The following CNIH3 variants were observed in gnomAD, a reference collection of about 807,000 sequenced individuals.
CNIH3 encodes cornichon family AMPA receptor auxiliary protein 3, also known as protein cornichon homolog 3.
CNIH3 carries 14 observed loss-of-function variants against 24.1 expected under a neutral mutation model. That is an observed-to-expected ratio of 0.58 (90% CI 0.38 to 0.91). The LOEUF is 0.91. Ranked by LOEUF, CNIH3 falls within the 40% of genes least tolerant of loss-of-function variation. The pLI is 0.00. For missense variants in CNIH3, 178 were observed against 196.8 expected (o/e 0.90, Z 0.57); for synonymous variants, 68 against 73.8 (o/e 0.92, Z 0.40).
intron 1 of CNIH3, among the ~76,000 whole-genome samples, chr1:224,622,641 GGGGTTGGATGTTAGAGACACTAAAGTAA>G (rs1683336820): frequency 6.6e-6 from 1 of 152,250 alleles, no homozygotes; most frequent in South Asian, 2.1e-4. Context: ...AGGCCTCACT[GGGGTTGGATGTTAGAGACACTAAAGTAA>G]CTTGTCTTTG....
chr1:224,434,765 G>T, exon 1 of CNIH3: 1 of 986,404 alleles, frequency 1.0e-6, no homozygotes, highest in Non-Finnish European at 1.2e-6. Context: ...CTGCTCCCTG[G>T]TGTGTTGATT....
intron 3 of CNIH3, among the ~76,000 whole-genome samples, chr1:224,712,527 A>G (rs1161073177): frequency 2.0e-5 from 3 of 152,162 alleles, no homozygotes; most frequent in Admixed American, 1.3e-4. Context: ...GTATTTATTC[A>G]ATGAATGAAT....
At chr1:224,682,666 T>C (rs1261976210) in intron 2 of CNIH3, among the ~76,000 whole-genome samples, 1 of 152,186 alleles carries the variant, frequency 6.6e-6, no homozygotes, top group Non-Finnish European at 1.5e-5. Flanking sequence ...TCTCATGTCT[T>C]TCTGGATGTT....
At chr1:224,597,166 C>T (rs932636145) in intron 3 of CNIH3, among the ~76,000 whole-genome samples, 3 of 128,758 alleles carry the variant, frequency 2.3e-5, no homozygotes, top group Admixed American at 1.7e-4. Context: ...AACAAACAAA[C>T]AAACAAACAA....
Position 224,684,955 on chromosome 1 carries a change from C to G in CNIH3, c.198+112C>G. 1 of 1,007,886 alleles carries G rather than the reference C, an allele frequency of 9.9e-7. No individual in the cohort carries two copies. The highest frequency in any genetic ancestry group is 1.6e-5 in the African/African-American group (1 of 63,078). The allele number at this position is 1,007,886 out of a possible 1,614,324, so 62.4% of individuals were successfully genotyped here. A position where few individuals can be genotyped will look rare whatever the true frequency, so the allele number is the denominator to read the frequency against. ...GCTCCAGTCCTGTCCACCAGGGAGG[C>G]AAATGGTGGCAGGGAAAGGGGGAGG... On this transcript the variant is annotated intron_variant, in intron 3 of 5. Transcript: ENST00000272133. This position sits in a 1 kb window ranked among gnomAD's most constrained non-coding sequence, Gnocchi z 4.2.
exon 1 of CNIH3, chr1:224,434,793 C>T: frequency 1.0e-6 from 1 of 986,502 alleles, no homozygotes; most frequent in Non-Finnish European, 1.2e-6. Flanking sequence ...CAGCTGCTGC[C>T]TAATGGAGTC....
chr1:224,609,038 A>G (rs965091178), intron 3 of CNIH3, among the ~76,000 whole-genome samples: 1 of 152,120 alleles, frequency 6.6e-6, no homozygotes, highest in Admixed American at 6.5e-5. Flanking sequence ...CGGGGCCACA[A>G]CCAATTATTA....
intron 1 of CNIH3, among the ~76,000 whole-genome samples, chr1:224,644,208 G>GTTTGTT (rs1684491391): frequency 2.0e-5 from 3 of 152,246 alleles, no homozygotes; most frequent in Admixed American, 1.3e-4. Flanking sequence ...CAAGCATGTT[G>GTTTGTT]TTTGTTTTTG....
At chr1:224,484,416 C>T (rs367927579) in intron 1 of CNIH3, among the ~76,000 whole-genome samples, 5 of 150,276 alleles carry the variant, frequency 3.3e-5, no homozygotes, top group Admixed American at 6.6e-5. Context: ...GGTGACAGAG[C>T]GAGACTCTGT....
intron 5 of CNIH3, among the ~76,000 whole-genome samples, chr1:224,738,651 C>T (rs1689715380): frequency 6.6e-6 from 1 of 152,206 alleles, no homozygotes; most frequent in African/African-American, 2.4e-5. Flanking sequence ...GATCATTCCT[C>T]AGCCTTGCAA....
At position 224,555,989 on chromosome 1, in the gene CNIH3, T is replaced by C. The variant is rs562610482; in HGVS notation, n.450+9050T>C. 4.0e-3 allele frequency among the ~76,000 whole-genome samples: 609 copies of C among 152,112 alleles called. 1 individual carries two copies. The highest frequency in any genetic ancestry group is 0.014 in the African/African-American group (574 of 41,480). On this transcript the variant is annotated intron_variant and non_coding_transcript_variant, in intron 3 of 5. Coordinates refer to the CNIH3 transcript ENST00000471578. The stretch of plus-strand genomic sequence containing the variant: ...CGGCTTTACTCACTGGCTGCTGGGG[T>C]TTTTTACAGGCGGAGCTGAGTGAAG...
intron 1 of CNIH3, among the ~76,000 whole-genome samples, chr1:224,462,118 G>T (rs907764403): frequency 6.6e-6 from 1 of 151,862 alleles, no homozygotes; most frequent in Non-Finnish European, 1.5e-5. Flanking sequence ...ATCACCATCC[G>T]CACCGTTGGT....
chr1:224,600,737 C>T (rs1340302569), intron 3 of CNIH3, among the ~76,000 whole-genome samples: 1 of 152,098 alleles, frequency 6.6e-6, no homozygotes, highest in African/African-American at 2.4e-5. Flanking sequence ...TGCTGAATAC[C>T]CAACCACCGA....
At chr1:224,562,755 G>A (rs933568510) in intron 3 of CNIH3, among the ~76,000 whole-genome samples, 14 of 151,886 alleles carry the variant, frequency 9.2e-5, no homozygotes, top group South Asian at 2.1e-4. Context: ...CTCTTGCCCC[G>A]TCCCTCACCA....
At chr1:224,493,280 T>C (rs949161235) in intron 1 of CNIH3, among the ~76,000 whole-genome samples, 22 of 152,194 alleles carry the variant, frequency 1.4e-4, no homozygotes, top group African/African-American at 5.3e-4. Context: ...AAATTTTAAA[T>C]TTGCAGAACA....
intron 3 of CNIH3, among the ~76,000 whole-genome samples, chr1:224,719,663 T>C (rs1318596105): frequency 6.6e-6 from 1 of 152,204 alleles, no homozygotes; most frequent in Non-Finnish European, 1.5e-5. Flanking sequence ...ATTATTATCA[T>C]TTTCATTTTG....
At chr1:224,459,801 C>T (rs1437870382) in intron 1 of CNIH3, among the ~76,000 whole-genome samples, 4 of 151,742 alleles carry the variant, frequency 2.6e-5, no homozygotes, top group African/African-American at 9.7e-5. Context: ...TCAGAAAAAG[C>T]AAGGCCAGGA....
At chr1:224,571,189 T>G (rs1049727434) in intron 4 of CNIH3, among the ~76,000 whole-genome samples, 1 of 152,212 alleles carries the variant, frequency 6.6e-6, no homozygotes, top group Non-Finnish European at 1.5e-5. Flanking sequence ...AAACTTTGGG[T>G]TAACCCATCA....
intron 1 of CNIH3, among the ~76,000 whole-genome samples, chr1:224,470,697 A>G (rs986779783): frequency 4.6e-5 from 7 of 151,952 alleles, no homozygotes; most frequent in African/African-American, 1.5e-4. Context: ...GGCTCAAGTG[A>G]TCCTCCCACT....
Sources: gnomAD v4.1 joint callset for allele counts (sites outside exome capture counted in the v4.1 genomes callset) on GRCh38, gnomAD v4.1.1 for gene constraint, Gnocchi (gnomAD v3.1) non-coding constraint, MANE v1.5 for transcripts, NCBI Gene and HGNC (gene_info 2026-07-23, HGNC 2026-07-21) for gene names.